The following CHCHD6 variants were observed in gnomAD, a reference collection of about 807,000 sequenced individuals.
CHCHD6 encodes the protein coiled-coil-helix-coiled-coil-helix domain containing 6.
CHCHD6 carries 28 observed loss-of-function variants against 32.3 expected under a neutral mutation model. The ratio of observed to expected loss-of-function variants is 0.87; its 90% CI spans 0.64 to 1.19. CHCHD6 has a LOEUF of 1.19. Ranked by LOEUF, CHCHD6 falls within the 50% of genes most tolerant of loss-of-function variation. CHCHD6 has a pLI of 0.00. For missense variants in CHCHD6, 333 were observed against 307.0 expected, an observed-to-expected ratio of 1.08 and a Z score of -0.63; for synonymous variants, 122 against 117.5, an observed-to-expected ratio of 1.04 and a Z score of -0.25.
At chr3:126,919,520 G>T (rs1241140992) in intron 6 of CHCHD6, among the ~76,000 whole-genome samples, 1 of 150,708 alleles carries the variant, frequency 6.6e-6, no homozygotes, top group Non-Finnish European at 1.5e-5. Context: ...TCACTATGTT[G>T]TCCAGGCTGG....
chr3:126,936,358 G>C (rs1475565098), intron 6 of CHCHD6, among the ~76,000 whole-genome samples: 1 of 152,166 alleles, frequency 6.6e-6, no homozygotes, highest in Non-Finnish European at 1.5e-5. Context: ...GTCCTGGGCT[G>C]CCACATCCTG....
At chr3:126,827,869 G>A (rs1220252155) in intron 4 of CHCHD6, among the ~76,000 whole-genome samples, 2 of 152,114 alleles carry the variant, frequency 1.3e-5, no homozygotes, top group African/African-American at 4.8e-5. Flanking sequence ...TCAGGGTCTG[G>A]CCCAGAGCAC....
At chr3:126,804,272 G>T (rs1287374352) in intron 4 of CHCHD6, among the ~76,000 whole-genome samples, 3 of 152,074 alleles carry the variant, frequency 2.0e-5, no homozygotes, top group Admixed American at 1.3e-4. Flanking sequence ...ATGAATCCAG[G>T]AGCTGGTTTT....
intron 4 of CHCHD6, among the ~76,000 whole-genome samples, chr3:126,819,464 C>A (rs1303540722): frequency 6.6e-6 from 1 of 152,222 alleles, no homozygotes; most frequent in Non-Finnish European, 1.5e-5. Context: ...CCTCTTAGGT[C>A]CTTCCTATGA....
chr3:126,957,359 C>A, intron 6 of CHCHD6, 57 bp from the exon 7 acceptor site: 1 of 1,583,262 alleles, frequency 6.3e-7, no homozygotes, highest in South Asian at 1.1e-5. Flanking sequence ...TGAGTTGTTT[C>A]TCTCCCCTGC....
chr3:126,939,059 T>C (rs1297732571), intron 6 of CHCHD6, among the ~76,000 whole-genome samples: 1 of 152,220 alleles, frequency 6.6e-6, no homozygotes, highest in Non-Finnish European at 1.5e-5. Flanking sequence ...TATGACTCTC[T>C]TTTTATAGAT....
At chr3:126,839,820 T>C (rs1198544233) in intron 4 of CHCHD6, among the ~76,000 whole-genome samples, 1 of 152,208 alleles carries the variant, frequency 6.6e-6, no homozygotes, top group Admixed American at 6.5e-5. Context: ...TCATAAACAA[T>C]GAAATCACCC....
At chr3:126,739,809 C>G (rs775449132) in intron 4 of CHCHD6, among the ~76,000 whole-genome samples, 1 of 152,126 alleles carries the variant, frequency 6.6e-6, no homozygotes, top group Non-Finnish European at 1.5e-5. Flanking sequence ...AACATAGTCT[C>G]GATTTGACAG....
At chr3:126,713,100 G>A (rs1474586685) in intron 1 of CHCHD6, among the ~76,000 whole-genome samples, 1 of 152,122 alleles carries the variant, frequency 6.6e-6, no homozygotes, top group African/African-American at 2.4e-5. Flanking sequence ...CCCTTGACCA[G>A]CTGACAAATT....
intron 4 of CHCHD6, among the ~76,000 whole-genome samples, chr3:126,841,541 A>G (rs6803015): frequency 0.92 from 140,394 of 152,182 alleles, 64,864 homozygotes; most frequent in African/African-American, 0.97. Context: ...GATCTTGCAG[A>G]GTTTTGACGA....
chr3:126,948,304 G>C (rs1415676133), intron 6 of CHCHD6, among the ~76,000 whole-genome samples: 4 of 152,222 alleles, frequency 2.6e-5, no homozygotes, highest in African/African-American at 7.2e-5. Context: ...TCGCCCTCAG[G>C]CTGGAGGGGA....
rs537445086 is a variant in CHCHD6 at position 126,750,014 on chromosome 3, G to T, written c.411+16792G>T. Among the ~76,000 whole-genome samples, 124 of 152,312 alleles carry T rather than the reference G, an allele frequency of 8.1e-4. 1 individual carries two copies. Among genetic ancestry groups the T allele is most frequent in the African/African-American group, 3.0e-3 (124 of 41,560 alleles). On this transcript the variant is annotated intron_variant, in intron 4 of 7. Transcript: ENST00000290913. ...GTCTGTTCAGGACCTCTGTTCTCTA[G>T]ATGCTGGTTGGCCACACCTTTCCTG...
At chr3:126,722,048 G>A (rs1033251945) in intron 1 of CHCHD6, among the ~76,000 whole-genome samples, 3 of 152,204 alleles carry the variant, frequency 2.0e-5, no homozygotes, top group South Asian at 2.1e-4. Flanking sequence ...TAATGCTGAT[G>A]TGAACACATG....
chr3:126,768,207 T>C (rs777189001), intron 4 of CHCHD6, among the ~76,000 whole-genome samples: 35 of 152,276 alleles, frequency 2.3e-4, no homozygotes, highest in Non-Finnish European at 4.1e-4. Flanking sequence ...GTGCTGTTTG[T>C]GTGATAGTGA....
rs145254308 is a variant in CHCHD6, at chr3:126,744,220, G to A, written c.411+10998G>A. Among the ~76,000 whole-genome samples, 54 of 152,308 alleles carry A rather than the reference G, an allele frequency of 3.5e-4. No homozygotes were observed. In the East Asian group the frequency reaches 9.7e-3, roughly 27 times the overall value. ...AGGGCTGGGGAGAGGGGAGGGTCTT[G>A]GTTATTTTAAGTCTATTTATGCAAT... is the stretch of plus-strand genomic sequence containing the variant. On this transcript the variant is annotated intron_variant, in intron 4 of 7. Transcript: ENST00000290913.
intron 5 of CHCHD6, among the ~76,000 whole-genome samples, chr3:126,881,533 G>A (rs1273529125): frequency 6.6e-6 from 1 of 152,232 alleles, no homozygotes; most frequent in African/African-American, 2.4e-5. Flanking sequence ...GAGAAAAGGT[G>A]TAAGAGAGCT....
chr3:126,851,472 G>C (rs555102275), intron 4 of CHCHD6, among the ~76,000 whole-genome samples: 44 of 152,332 alleles, frequency 2.9e-4, no homozygotes, highest in Admixed American at 2.5e-3. Context: ...AGGATTCAGT[G>C]TCATCAGGAG....
intron 4 of CHCHD6, among the ~76,000 whole-genome samples, chr3:126,834,053 CAAAAAAAAAAAAAAA>C (rs55790919): frequency 2.2e-5 from 1 of 44,460 alleles, no homozygotes; most frequent in Non-Finnish European, 4.8e-5. Flanking sequence ...GACTCCGTCT[CAAAAAAAAAAAAAAA>C]AAAAAAAAAA....
intron 4 of CHCHD6, among the ~76,000 whole-genome samples, chr3:126,827,084 G>A: frequency 6.6e-6 from 1 of 152,160 alleles, no homozygotes; most frequent in African/African-American, 2.4e-5. Flanking sequence ...AATTTGGCAT[G>A]TCAAAGGATG....
Sources: allele counts gnomAD v4.1 joint callset (sites outside exome capture counted in the v4.1 genomes callset), GRCh38; gene constraint gnomAD v4.1.1; transcripts MANE v1.5; gene names NCBI Gene and HGNC (gene_info 2026-07-23, HGNC 2026-07-21).